Variants in C1QTNF3 observed in about 807,000 individuals in gnomAD.
C1QTNF3 encodes the protein complement C1q tumor necrosis factor-related protein 3.
C1QTNF3 carries 26 observed loss-of-function variants against 32.6 expected under a neutral mutation model. The ratio of observed to expected loss-of-function variants is 0.80; its 90% CI spans 0.58 to 1.11. The LOEUF is 1.11. Ranked by LOEUF, C1QTNF3 falls within the 50% of genes least tolerant of loss-of-function variation. C1QTNF3 has a pLI of 0.00. For synonymous variants in C1QTNF3, 155 were observed against 146.0 expected, an observed-to-expected ratio of 1.06 and a Z score of -0.44; for missense variants, 362 against 398.2, an observed-to-expected ratio of 0.91 and a Z score of 0.77.
chr5:34,024,291 G>C (rs1351692833), intron 4 of C1QTNF3: 1 of 311,944 alleles, frequency 3.2e-6, no homozygotes, highest in Non-Finnish European at 6.2e-6. Flanking sequence ...CCCTGACAAA[G>C]TGCTTAGGGC....
the C1QTNF3 span, among the ~76,000 whole-genome samples, chr5:34,184,639 G>A: frequency 8.3e-4 from 126 of 152,114 alleles, no homozygotes; most frequent in Non-Finnish European, 8.4e-4. Flanking sequence ...GCTTGAACCC[G>A]GGAGGCAGAG....
At chr5:34,082,488 T>C in the C1QTNF3 span, among the ~76,000 whole-genome samples, 144 of 151,830 alleles carry the variant, frequency 9.5e-4, 4 homozygotes, top group African/African-American at 3.4e-3. Flanking sequence ...ATGAGTCTTG[T>C]TGAGCATTAT....
chr5:34,126,743 TG>T, the C1QTNF3 span, among the ~76,000 whole-genome samples: 1 of 151,536 alleles, frequency 6.6e-6, no homozygotes, highest in Non-Finnish European at 1.5e-5. Context: ...ATATATACAA[TG>T]GAATATTATT....
chr5:34,177,030 A>G, the C1QTNF3 span, among the ~76,000 whole-genome samples: 1 of 152,056 alleles, frequency 6.6e-6, no homozygotes, highest in Non-Finnish European at 1.5e-5. Context: ...CAGTCTCTAT[A>G]AAAAGGCTAA....
chr5:34,197,206 T>C, the C1QTNF3 span, among the ~76,000 whole-genome samples: 4 of 152,232 alleles, frequency 2.6e-5, no homozygotes, highest in Non-Finnish European at 1.5e-5. Context: ...ATGCTACCAG[T>C]ACTAAGGAAG....
the C1QTNF3 span, among the ~76,000 whole-genome samples, chr5:34,120,609 G>C: frequency 1.3e-5 from 2 of 152,026 alleles, no homozygotes; most frequent in African/African-American, 4.8e-5. Context: ...CATAGGGGTG[G>C]GTCTTTCCCA....
chr5:34,126,006 T>C, the C1QTNF3 span, among the ~76,000 whole-genome samples: 1 of 152,210 alleles, frequency 6.6e-6, no homozygotes, highest in Non-Finnish European at 1.5e-5. Context: ...TCTGAAAATA[T>C]TTCACACAGG....
the C1QTNF3 span, among the ~76,000 whole-genome samples, chr5:34,055,782 T>C: frequency 6.6e-6 from 1 of 152,216 alleles, no homozygotes; most frequent in Non-Finnish European, 1.5e-5. Flanking sequence ...AGGGGCAGAC[T>C]CAATGCCCTG....
At chr5:34,044,901 T>C (rs1754961753), upstream of C1QTNF3, among the ~76,000 whole-genome samples, 1 of 152,156 alleles carries the variant, frequency 6.6e-6, no homozygotes, top group African/African-American at 2.4e-5. Flanking sequence ...GGGAAGTGTG[T>C]CAAACTGTTA....
the C1QTNF3 span, among the ~76,000 whole-genome samples, chr5:34,110,965 C>G: frequency 6.6e-6 from 1 of 152,044 alleles, no homozygotes; most frequent in African/African-American, 2.4e-5. Flanking sequence ...TAACTGCATA[C>G]AGCTATTTTC....
chr5:34,060,672 T>C, the C1QTNF3 span, among the ~76,000 whole-genome samples: 1 of 152,124 alleles, frequency 6.6e-6, no homozygotes, highest in Admixed American at 6.5e-5. Context: ...ACAGAGGGCT[T>C]AGGCAGAGAA....
the C1QTNF3 span, among the ~76,000 whole-genome samples, chr5:34,129,005 CATG>C: frequency 2.0e-5 from 3 of 152,160 alleles, no homozygotes; most frequent in East Asian, 5.8e-4. Flanking sequence ...GTAATTCTAA[CATG>C]TTGGGGGAGG....
the C1QTNF3 span, among the ~76,000 whole-genome samples, chr5:34,133,896 G>A: frequency 6.6e-6 from 1 of 152,178 alleles, no homozygotes; most frequent in Non-Finnish European, 1.5e-5. Context: ...AATACTCCAG[G>A]ATGTGTTTTC....
chr5:34,118,464 A>T, the C1QTNF3 span, among the ~76,000 whole-genome samples: 1 of 152,194 alleles, frequency 6.6e-6, no homozygotes, highest in Non-Finnish European at 1.5e-5. Flanking sequence ...GCTGGGATTG[A>T]CAACAACACA....
chr5:34,130,780 C>G, the C1QTNF3 span, among the ~76,000 whole-genome samples: 2 of 152,202 alleles, frequency 1.3e-5, no homozygotes, highest in Non-Finnish European at 2.9e-5. Context: ...ACAGAGGTAC[C>G]CAAAATGTAT....
At chr5:34,234,127 A>T in the C1QTNF3 span, among the ~76,000 whole-genome samples, 1 of 152,162 alleles carries the variant, frequency 6.6e-6, no homozygotes, top group East Asian at 1.9e-4. Context: ...TTCAGAATGT[A>T]GTCAAAATCA....
At chr5:34,065,116 C>T in the C1QTNF3 span, among the ~76,000 whole-genome samples, 3 of 152,048 alleles carry the variant, frequency 2.0e-5, no homozygotes, top group African/African-American at 7.2e-5. Context: ...AACCTATGGA[C>T]TGGGAAAAAA....
chr5:34,128,143 G>A, the C1QTNF3 span, among the ~76,000 whole-genome samples: 1 of 152,236 alleles, frequency 6.6e-6, no homozygotes, highest in African/African-American at 2.4e-5. Flanking sequence ...TCCAGCCATG[G>A]CTCATGCCAC....
chr5:34,215,399 G>A, the C1QTNF3 span, among the ~76,000 whole-genome samples: 1 of 152,116 alleles, frequency 6.6e-6, no homozygotes, highest in Non-Finnish European at 1.5e-5. Context: ...GCAGACACTT[G>A]AATGTAGTTA....
Sources: allele counts gnomAD v4.1 joint callset (sites outside exome capture counted in the v4.1 genomes callset), GRCh38; gene constraint gnomAD v4.1.1; transcripts MANE v1.5; gene names NCBI Gene and HGNC (gene_info 2026-07-23, HGNC 2026-07-21).